The following SHOC1 variants were observed in gnomAD, a reference collection of about 807,000 sequenced individuals.
SHOC1 encodes protein shortage in chiasmata 1 ortholog.
A neutral mutation model predicts 179.2 loss-of-function variants in SHOC1; 136 were observed. The observed-to-expected ratio is 0.76, with a 90% CI of 0.66 to 0.87. The LOEUF is 0.87. Among genes scored for constraint, SHOC1 ranks in the 40% least tolerant of loss-of-function variants. SHOC1 has a pLI of 0.00. For synonymous variants in SHOC1, 489 were observed against 586.6 expected (o/e 0.83, Z 2.41); for missense variants, 1,538 against 1,700.8 (o/e 0.90, Z 1.68).
Position 111,705,242 on chromosome 9 carries a change from C to A in SHOC1, c.2855+5G>T. ...TTTGTTAAAATTGTGAAATCAATAA[C>A]TTACTTGGATTCTAGCAGCTGAAGT... On this transcript the variant is annotated splice_donor_5th_base_variant and intron_variant, in intron 21 of 27. Coordinates refer to ENST00000682961, the MANE Select transcript of SHOC1 (RefSeq NM_001378211.1). 7.0e-7 allele frequency: 1 copy of A among 1,430,442 alleles called. No homozygotes were observed. Among genetic ancestry groups the A allele is most frequent in the South Asian group, 1.3e-5 (1 of 78,184 alleles). 88.6% of individuals were successfully genotyped at this position (1,430,442 alleles called of 1,614,324 possible).
intron 24 of SHOC1, among the ~76,000 whole-genome samples, chr9:111,698,241 C>T (rs1298875991): frequency 2.6e-5 from 4 of 152,008 alleles, no homozygotes; most frequent in African/African-American, 7.2e-5. Context: ...CATTGCTTTT[C>T]GTGTTTTATT....
intron 23 of SHOC1, among the ~76,000 whole-genome samples, chr9:111,701,358 A>T (rs1831964282): frequency 6.6e-6 from 1 of 152,176 alleles, no homozygotes; most frequent in South Asian, 2.1e-4. Flanking sequence ...GTGAATATTT[A>T]TTCACTCTTT....
At chr9:111,716,564 A>T (rs10120015) in intron 16 of SHOC1, among the ~76,000 whole-genome samples, 121,523 of 151,810 alleles carry the variant, frequency 0.8, 48,805 homozygotes, top group East Asian at 0.92. Flanking sequence ...CTAATTTTTG[A>T]ATTTTTAGTA....
intron 22 of SHOC1, 66 bp downstream of exon 22, chr9:111,703,812 GATA>G (rs1832103417): frequency 9.1e-6 from 7 of 766,826 alleles, no homozygotes; most frequent in Non-Finnish European, 1.4e-5. Context: ...CTACAGAAAA[GATA>G]ATAACAAATT....
Position 111,686,200 on chromosome 9 carries a change from T to G in SHOC1, c.*570A>C, listed in dbSNP as rs1831153026. ...GTTTCAAATGTTTATTGACAATTTT[T>G]GTTTTTTTCTGAGGAAATATCTGTT... On this transcript the variant is annotated 3_prime_UTR_variant, in exon 28 of 28. Transcript: ENST00000682961. The G allele has an allele frequency of 6.6e-6, 1 of 152,246 alleles. No individual in the cohort carries two copies. Among genetic ancestry groups the G allele is most frequent in the South Asian group, 2.1e-4 (1 of 4,832 alleles). The allele number at this position is 152,246 out of a possible 1,614,324, so 9.4% of individuals were successfully genotyped here.
At chr9:111,765,645 C>T (rs116700275) in intron 5 of SHOC1, among the ~76,000 whole-genome samples, 1,804 of 152,090 alleles carry the variant, frequency 0.012, 33 homozygotes, top group African/African-American at 0.039. Context: ...TTTTCAGGGA[C>T]CCAAGTTCTT....
At chr9:111,739,747 T>C (rs1833953619) in intron 11 of SHOC1, among the ~76,000 whole-genome samples, 1 of 152,188 alleles carries the variant, frequency 6.6e-6, no homozygotes, top group Non-Finnish European at 1.5e-5. Context: ...ACTATGTAAC[T>C]GATAATTTCA....
chr9:111,686,774 A>G lies in SHOC1; in HGVS notation c.4523T>C (p.Phe1508Ser). The G allele has an allele frequency of 6.2e-7, 1 of 1,608,928 alleles. No homozygotes were observed. The highest frequency in any genetic ancestry group is 8.5e-7 in the Non-Finnish European group (1 of 1,175,780). The change falls in exon 28 of 28, where the codon TTT (phenylalanine) becomes TCT (serine). Residue 1508 changes from phenylalanine to serine, a missense_variant. Transcript: ENST00000682961. ...RVDGQTRLRFF is the reference protein window; with the variant it reads ...RVDGQTRLRFS ...TAACATTGCTCTTCTCCTCCTTCAA[A>G]AAAACCTCAGCCGAGTCTGCCCATC...
At chr9:111,700,424 C>G (rs555641818) in intron 23 of SHOC1, among the ~76,000 whole-genome samples, 1 of 152,128 alleles carries the variant, frequency 6.6e-6, no homozygotes, top group East Asian at 1.9e-4. Context: ...AACCAGGATA[C>G]GTGGAATCCT....
At chr9:111,702,921 G>A (rs778334019) in intron 22 of SHOC1, among the ~76,000 whole-genome samples, 2 of 152,038 alleles carry the variant, frequency 1.3e-5, no homozygotes, top group Non-Finnish European at 2.9e-5. Context: ...ACCACCCTGG[G>A]CAACATAGCA....
intron 2 of SHOC1, among the ~76,000 whole-genome samples, chr9:111,789,042 A>G (rs1363930265): frequency 6.6e-6 from 1 of 152,222 alleles, no homozygotes; most frequent in Non-Finnish European, 1.5e-5. Flanking sequence ...GGCCCATCTT[A>G]AACAATATCT....
At chr9:111,693,711 C>A in intron 26 of SHOC1, 88 bp downstream of exon 26, 1 of 847,662 alleles carries the variant, frequency 1.2e-6, no homozygotes. Context: ...ACTTGGATAC[C>A]TTCATTTTAA....
At chr9:111,769,986 G>GTTTTTTTTTTTTTT (rs769266659) in intron 5 of SHOC1, among the ~76,000 whole-genome samples, 21 of 77,616 alleles carry the variant, frequency 2.7e-4, no homozygotes, top group African/African-American at 3.9e-4. Flanking sequence ...TTTTTTTTTT[G>GTTTTTTTTTTTTTT]TTTTTTTTTT....
At chr9:111,752,009 C>T (rs1489993282) in intron 8 of SHOC1, among the ~76,000 whole-genome samples, 1 of 152,162 alleles carries the variant, frequency 6.6e-6, no homozygotes. Context: ...TGTAAAATGA[C>T]TATCTGAAGG....
At chr9:111,709,350 A>G (rs1832427667) in intron 18 of SHOC1, among the ~76,000 whole-genome samples, 1 of 152,222 alleles carries the variant, frequency 6.6e-6, no homozygotes, top group African/African-American at 2.4e-5. Context: ...AAAACAAAAC[A>G]AAACAAAAAA....
chr9:111,758,039 CCTCA>C, intron 7 of SHOC1, 41 bp downstream of exon 7: 1 of 976,654 alleles, frequency 1.0e-6, no homozygotes, highest in Non-Finnish European at 1.5e-6. Context: ...CAAAAATGTG[CCTCA>C]CTACTTTTAC....
At chr9:111,750,186 C>A (rs761602244) in intron 8 of SHOC1, among the ~76,000 whole-genome samples, 7 of 152,108 alleles carry the variant, frequency 4.6e-5, no homozygotes, top group Non-Finnish European at 7.3e-5. Context: ...ACAACCTTAC[C>A]AACATCTATT....
intron 1 of SHOC1, among the ~76,000 whole-genome samples, chr9:111,792,431 A>G (rs1836479841): frequency 6.6e-6 from 1 of 152,066 alleles, no homozygotes; most frequent in Non-Finnish European, 1.5e-5. Flanking sequence ...AAATTTTTGT[A>G]TCTCTACTAA....
intron 5 of SHOC1, among the ~76,000 whole-genome samples, chr9:111,772,502 T>C (rs1435510227): frequency 2.6e-5 from 4 of 152,214 alleles, no homozygotes; most frequent in East Asian, 1.9e-4. Flanking sequence ...TGTCTTTGCA[T>C]TGAAGGATTG....
Sources: allele counts gnomAD v4.1 joint callset (sites outside exome capture counted in the v4.1 genomes callset), GRCh38; gene constraint gnomAD v4.1.1; transcripts MANE v1.5; gene names NCBI Gene and HGNC (gene_info 2026-07-23, HGNC 2026-07-21).